CAPN7: variants seen among roughly 807,000 people sequenced by gnomAD.
The protein encoded by CAPN7 is calpain 7.
A neutral mutation model predicts 115.2 loss-of-function variants in CAPN7; 72 were observed. That is an observed-to-expected ratio of 0.63 (90% CI 0.52 to 0.76). The LOEUF is 0.76. CAPN7 is among the 30% of genes least tolerant of loss of function. CAPN7 has a pLI of 0.00. For missense variants in CAPN7, 905 were observed against 971.5 expected (o/e 0.93, Z 0.91); for synonymous variants, 344 against 322.3 (o/e 1.07, Z -0.72).
chr3:15,215,259 C>T (rs966953171), intron 2 of CAPN7, among the ~76,000 whole-genome samples: 5 of 151,834 alleles, frequency 3.3e-5, no homozygotes, highest in African/African-American at 7.3e-5. Context: ...CTAGTGAGAC[C>T]GTGTATTTAA....
Position 15,238,108 on chromosome 3 carries a change from C to CTTTTTT in CAPN7, c.1408-2345_1408-2340dup, listed in dbSNP as rs34203410. ...TGAAGTGTTTATTTAATTCTGACTT[C>CTTTTTT]TTTTTTTTTTTTTTTTTTTTTTTTT... On this transcript the variant is annotated intron_variant, in intron 12 of 20. Coordinates refer to ENST00000253693, the MANE Select transcript of CAPN7 (RefSeq NM_014296.3). Among the ~76,000 whole-genome samples the CTTTTTT allele has an allele frequency of 7.6e-4, 44 of 58,204 alleles. 3 individuals are homozygous for CTTTTTT. The highest frequency in any genetic ancestry group is 1.8e-3 in the East Asian group (3 of 1,642). The allele number at this position is 58,204 out of a possible 152,430, so 38.2% of individuals were successfully genotyped here.
intron 1 of CAPN7, 61 bp from the exon 2 acceptor site, chr3:15,212,043 G>C: frequency 1.1e-6 from 1 of 939,634 alleles, no homozygotes; most frequent in Admixed American, 2.6e-5. Context: ...ATGAGAATGT[G>C]ATAAAGAAAA....
intron 7 of CAPN7, 104 bp downstream of exon 7, chr3:15,228,069 C>T: frequency 1.3e-6 from 1 of 795,394 alleles, no homozygotes; most frequent in Non-Finnish European, 1.8e-6. Flanking sequence ...TATTCAGGTA[C>T]AGAAGTGTAA....
chr3:15,230,034 T>C (rs1429096297), intron 8 of CAPN7, among the ~76,000 whole-genome samples: 1 of 152,206 alleles, frequency 6.6e-6, no homozygotes, highest in African/African-American at 2.4e-5. Flanking sequence ...TGAAGTATGT[T>C]ACTGTATAAT....
chr3:15,245,836 A>C, intron 17 of CAPN7, 165 bp downstream of exon 17: 1 of 514,736 alleles, frequency 1.9e-6, no homozygotes, highest in Non-Finnish European at 3.2e-6. Flanking sequence ...TCTGTAGAAA[A>C]TAATACATTT....
chr3:15,226,188 G>A (rs1404217715), intron 6 of CAPN7, among the ~76,000 whole-genome samples: 1 of 152,094 alleles, frequency 6.6e-6, no homozygotes, highest in Non-Finnish European at 1.5e-5. Context: ...AGATTCTTCT[G>A]CCTCAGCCTC....
At chr3:15,238,449 G>T (rs1695134425) in intron 12 of CAPN7, among the ~76,000 whole-genome samples, 1 of 152,006 alleles carries the variant, frequency 6.6e-6, no homozygotes, top group Non-Finnish European at 1.5e-5. Context: ...TTCCATATTT[G>T]ATTCAAGCAT....
chr3:15,232,878 A>G (rs1482575625), intron 10 of CAPN7, among the ~76,000 whole-genome samples: 1 of 152,224 alleles, frequency 6.6e-6, no homozygotes, highest in East Asian at 1.9e-4. Flanking sequence ...TTGTTGGGAT[A>G]CAAGGCCAAT....
intron 4 of CAPN7, among the ~76,000 whole-genome samples, chr3:15,219,368 T>C (rs139942644): frequency 1.6e-3 from 250 of 152,362 alleles, no homozygotes; most frequent in African/African-American, 5.5e-3. Context: ...TCTGACCTGA[T>C]AGATAACTGT....
intron 12 of CAPN7, among the ~76,000 whole-genome samples, chr3:15,238,701 A>G (rs957102412): frequency 6.6e-6 from 1 of 152,116 alleles, no homozygotes; most frequent in African/African-American, 2.4e-5. Context: ...GTGATGTTTC[A>G]TAGTCTACTA....
rs909831883 is a variant in CAPN7 at position 15,245,518 on chromosome 3, G to A, written c.1865-8G>A. ...TCCTTTTCTCTAAGCCTACTTGTTTGTTTGCAGCTGACCCACCTCCATACA... is the reference window on the plus strand; with the variant it reads ...TCCTTTTCTCTAAGCCTACTTGTTTATTTGCAGCTGACCCACCTCCATACA... On this transcript the variant is annotated splice_polypyrimidine_tract_variant and splice_region_variant and intron_variant, in intron 16 of 20. Transcript: ENST00000253693. The A allele has an allele frequency of 1.9e-6, 3 of 1,608,570 alleles. No homozygotes were observed. The highest frequency in any genetic ancestry group is 1.7e-5 in the Admixed American group (1 of 58,866).
At chr3:15,249,312 T>G (rs1021232501) in intron 19 of CAPN7, among the ~76,000 whole-genome samples, 3 of 151,046 alleles carry the variant, frequency 2.0e-5, no homozygotes, top group Non-Finnish European at 2.9e-5. Flanking sequence ...TTCTTGCCCA[T>G]AGAGTTGTCA....
At chr3:15,243,479 ACCT>A (rs753932933) in intron 16 of CAPN7, among the ~76,000 whole-genome samples, 24 of 152,110 alleles carry the variant, frequency 1.6e-4, no homozygotes, top group Non-Finnish European at 2.9e-5. Flanking sequence ...TGCATAAATC[ACCT>A]GTGAAGAGAG....
At position 15,248,488 on chromosome 3, in the gene CAPN7, CTA is replaced by C. The variant is rs538097952; in HGVS notation, c.2204+1034_2204+1035del. 3.8e-3 allele frequency among the ~76,000 whole-genome samples: 583 copies of C among 152,198 alleles called. 2 individuals are homozygous for C. The highest frequency in any genetic ancestry group is 7.2e-3 in the Admixed American group (110 of 15,304). ...AAGGATGCACACTAAGGTAGTAAAA[CTA>C]TAAAGCAGAGCAAGAGAGTTATTAC... On this transcript the variant is annotated intron_variant, in intron 19 of 20. Transcript: ENST00000253693.
intron 10 of CAPN7, 30 bp downstream of exon 10, chr3:15,232,695 A>G (rs1694762765): frequency 6.4e-7 from 1 of 1,558,068 alleles, no homozygotes; most frequent in Non-Finnish European, 8.6e-7. Context: ...ATCCAGACAC[A>G]GATTTAAGCT....
intron 1 of CAPN7, among the ~76,000 whole-genome samples, chr3:15,207,641 C>G (rs1303400892): frequency 7.0e-6 from 1 of 142,500 alleles, no homozygotes; most frequent in South Asian, 2.2e-4. Flanking sequence ...TTTTTTGTTT[C>G]TTTTTTTTTT....
rs765298058 is a variant in CAPN7 at position 15,251,147 on chromosome 3, A to G, written c.2329A>G (p.Ile777Val). The change falls in exon 21 of 21, where the codon ATA (isoleucine) becomes GTA (valine). Residue 777 changes from isoleucine to valine, a missense_variant. Around this residue, in one of 3 missense-constraint regions of CAPN7, gnomAD observed 620 missense variants for 703.4 expected, o/e 0.88. Transcript: ENST00000253693. ...CGFCYLELEN[I>V]PSGIFNIIPS... ...GTTTTGCTACCTGGAATTAGAAAATATACCTTCTGGGATCTTCAATATCAT... is the reference window on the plus strand; with the variant it reads ...GTTTTGCTACCTGGAATTAGAAAATGTACCTTCTGGGATCTTCAATATCAT... The G allele has an allele frequency of 1.9e-6, 3 of 1,607,032 alleles. No individual in the cohort carries two copies. The highest frequency in any genetic ancestry group is 1.3e-5 in the African/African-American group (1 of 74,634).
intron 1 of CAPN7, among the ~76,000 whole-genome samples, chr3:15,211,456 TTGAG>T (rs754543193): frequency 3.3e-5 from 5 of 152,158 alleles, no homozygotes; most frequent in Non-Finnish European, 5.9e-5. Context: ...TATGTTAAAA[TTGAG>T]AGAGAGCCTG....
chr3:15,228,044 A>T (rs1234738748), intron 7 of CAPN7, 79 bp downstream of exon 7: 2 of 1,118,974 alleles, frequency 1.8e-6, no homozygotes, highest in African/African-American at 3.2e-5. Flanking sequence ...GTTTTTTCTT[A>T]GATTTTTTAT....
Sources: gnomAD v4.1 joint callset for allele counts (sites outside exome capture counted in the v4.1 genomes callset) on GRCh38, gnomAD v4.1.1 for gene constraint, gnomAD v4.1.1 regional missense constraint, MANE v1.5 for transcripts, NCBI Gene and HGNC (gene_info 2026-07-23, HGNC 2026-07-21) for gene names.